The following BRF1 variants were observed in gnomAD, a reference collection of about 807,000 sequenced individuals.
BRF1 encodes the protein BRF1 general transcription factor IIIB subunit, also known as transcription factor IIIB 90 kDa subunit.
In BRF1, 59 loss-of-function variants were observed where a neutral mutation model predicts 81.7. That is an observed-to-expected ratio of 0.72 (90% CI 0.59 to 0.90). The LOEUF is 0.90. Among genes scored for constraint, BRF1 ranks in the 40% least tolerant of loss-of-function variants. The pLI is 0.00. For synonymous variants in BRF1, 491 were observed against 395.6 expected (o/e 1.24, Z -2.86); for missense variants, 1,050 against 936.3 (o/e 1.12, Z -1.58).
Position 105,284,423 on chromosome 14 carries a change from C to A in BRF1, c.265+1873G>T, listed in dbSNP as rs2057238158. On this transcript the variant is annotated intron_variant, in intron 2 of 17. Transcript: ENST00000547530. This position sits in a 1 kb window ranked among gnomAD's most constrained non-coding sequence, Gnocchi z 4.0. ...CCTAGGTGTGTCGGTGCTGGCCACC[C>A]GTCGGCAGCAGCAGCCAGGAGCAGA... 6.6e-6 allele frequency among the ~76,000 whole-genome samples: 1 copy of A among 152,142 alleles called. No individual in the cohort carries two copies. Among genetic ancestry groups the A allele is most frequent in the Non-Finnish European group, 1.5e-5 (1 of 68,030 alleles).
chr14:105,221,800 C>A lies in BRF1; in HGVS notation c.1163G>T (p.Gly388Val). 6.2e-7 allele frequency: 1 copy of A among 1,611,040 alleles called. No individual in the cohort carries two copies. Among genetic ancestry groups the A allele is most frequent in the Non-Finnish European group, 8.5e-7 (1 of 1,179,360 alleles). ...TGCTGCTTCCGAGCTGCCGGGGGCA[C>A]CACCAAGGAGCTCCCGGTATAAGTC... ...NKDLYRELLG[G>V]APGSSEAAGS... is the part of the protein sequence containing the mutation. Residue 388 changes from glycine to valine, a missense_variant, in exon 11 of 18, where the codon GGT becomes GTT. Physicochemically the swap from Gly to Val is moderately radical, Grantham distance 109 (BLOSUM62 -3). This residue lies in a region of BRF1 where 1,043 missense variants were observed against 915.4 expected (regional missense o/e 1.14). Coordinates refer to ENST00000547530, the MANE Select transcript of BRF1 (RefSeq NM_001519.4).
intron 1 of BRF1, among the ~76,000 whole-genome samples, chr14:105,313,394 C>A (rs2058406731): frequency 6.6e-6 from 1 of 152,240 alleles, no homozygotes; most frequent in African/African-American, 2.4e-5. Flanking sequence ...GCCCGCCGAG[C>A]AGCTGGCCAA....
chr14:105,210,435 C>T lies in BRF1; in HGVS notation c.*116G>A. On this transcript the variant is annotated 3_prime_UTR_variant, in exon 18 of 18. Coordinates refer to ENST00000547530, the MANE Select transcript of BRF1 (RefSeq NM_001519.4). The surrounding 1 kb of genome is among the most constrained non-coding windows in gnomAD (Gnocchi z 4.7). Reference sequence around the variant, plus strand: ...ACGAGGGCTGTGGGACAGGTGCCACCTGTCACCAGGAGTCTCGGCGCTGGG... The same window carrying T: ...ACGAGGGCTGTGGGACAGGTGCCACTTGTCACCAGGAGTCTCGGCGCTGGG... The T allele has an allele frequency of 5.2e-6, 6 of 1,163,618 alleles. No individual in the cohort carries two copies. The highest frequency in any genetic ancestry group is 7.4e-6 in the Non-Finnish European group (6 of 813,546). The allele number at this position is 1,163,618 out of a possible 1,614,324, so 72.1% of individuals were successfully genotyped here. A position where few individuals can be genotyped will look rare whatever the true frequency, so the allele number is the denominator to read the frequency against.
intron 11 of BRF1, 26 bp from the exon 12 acceptor site, chr14:105,220,156 C>G (rs781244338): frequency 1.2e-6 from 2 of 1,612,888 alleles, no homozygotes; most frequent in Non-Finnish European, 1.7e-6. Flanking sequence ...GCATCCGCGT[C>G]ACTCAGGGCC....
Position 105,226,679 on chromosome 14 carries a change from G to A in BRF1, c.870C>T (p.Asp290=), listed in dbSNP as rs760010212. The part of the protein sequence containing the change: ...FMKIDLEEEC[D]PPSYTAGQRK... The stretch of plus-strand genomic sequence containing the variant: ...TCTGCCCAGCTGTGTACGAGGGGGG[G>A]TCGCACTCCTCCTCCAGGTCGATCT... Residue 290 remains aspartate, a synonymous_variant, in exon 8 of 18, where the codon GAC becomes GAT. Coordinates refer to ENST00000547530, the MANE Select transcript of BRF1 (RefSeq NM_001519.4). The A allele has an allele frequency of 1.9e-6, 3 of 1,613,468 alleles. No homozygotes were observed. The highest frequency in any genetic ancestry group is 2.2e-5 in the South Asian group (2 of 91,090).
rs948999450 is a variant in BRF1 at position 105,309,274 on chromosome 14, A to G, written c.-162+6048T>C. The stretch of plus-strand genomic sequence containing the variant: ...CTTGGGGCTCAGGATAACCACAGTC[A>G]AGAGGGGAGAGTTTTATTCCTGAAT... On this transcript the variant is annotated intron_variant, in intron 1 of 17. Transcript: ENST00000327359. This position sits in a 1 kb window ranked among gnomAD's most constrained non-coding sequence, Gnocchi z 4.0. Among the ~76,000 whole-genome samples the G allele has an allele frequency of 1.3e-5, 2 of 152,224 alleles. No homozygotes were observed. The highest frequency in any genetic ancestry group is 4.8e-5 in the African/African-American group (2 of 41,454).
chr14:105,270,180 T>C (rs1239231674), intron 3 of BRF1, among the ~76,000 whole-genome samples: 1 of 151,436 alleles, frequency 6.6e-6, no homozygotes, highest in Non-Finnish European at 1.5e-5. Context: ...AGGACTTTTT[T>C]TTTTTTTTTT....
At chr14:105,251,788 C>G (rs1430118904) in intron 5 of BRF1, among the ~76,000 whole-genome samples, 1 of 151,976 alleles carries the variant, frequency 6.6e-6, no homozygotes, top group Non-Finnish European at 1.5e-5. Context: ...AAGGGTAGGT[C>G]AGAACCATCG....
intron 15 of BRF1, among the ~76,000 whole-genome samples, chr14:105,215,671 G>GCA (rs201556928): frequency 1.7e-5 from 2 of 115,482 alleles, no homozygotes; most frequent in African/African-American, 6.7e-5. Context: ...GCATACACAG[G>GCA]CACACACACA....
At chr14:105,285,051 G>T (rs952291940) in intron 2 of BRF1, among the ~76,000 whole-genome samples, 19 of 152,180 alleles carry the variant, frequency 1.2e-4, no homozygotes, top group Admixed American at 4.6e-4. Context: ...CCTGTATTCA[G>T]GTATCAGAAG....
At chr14:105,285,917 C>T (rs587694905) in intron 2 of BRF1, among the ~76,000 whole-genome samples, 1 of 152,342 alleles carries the variant, frequency 6.6e-6, no homozygotes, top group African/African-American at 2.4e-5. Context: ...AATCATAAGA[C>T]AAATAACCCA....
intron 2 of BRF1, among the ~76,000 whole-genome samples, chr14:105,281,897 T>C (rs1394192544): frequency 6.6e-6 from 1 of 152,094 alleles, no homozygotes; most frequent in Non-Finnish European, 1.5e-5. Flanking sequence ...GCACATTTCA[T>C]GCACTTTACT....
In BRF1 at chr14:105,310,803, C is replaced by A. The variant is rs587602226; in HGVS notation, c.-162+4519G>T. Among the ~76,000 whole-genome samples the A allele has an allele frequency of 2.6e-5, 4 of 152,310 alleles. No individual in the cohort carries two copies. In the South Asian group the frequency reaches 8.3e-4, roughly 32 times the overall value. On this transcript the variant is annotated intron_variant, in intron 1 of 17. Transcript: ENST00000327359. ...GATAAGCAAAAAGGAGAAACCAAAT[C>A]AATGGAATCCCCATCACACAGAGAT...
intron 7 of BRF1, chr14:105,227,972 T>C (rs2054115726): frequency 6.6e-6 from 1 of 152,226 alleles, no homozygotes; most frequent in African/African-American, 2.4e-5. Context: ...TCAAAGTCTA[T>C]GAAACAGGGC....
chr14:105,219,119 C>G, intron 13 of BRF1, 32 bp downstream of exon 13: 2 of 1,613,678 alleles, frequency 1.2e-6, no homozygotes, highest in Non-Finnish European at 1.7e-6. Context: ...GACTGTGCGT[C>G]CTGCGTGTGA....
At chr14:105,224,658 C>T (rs587718443) in intron 10 of BRF1, among the ~76,000 whole-genome samples, 8 of 152,296 alleles carry the variant, frequency 5.3e-5, no homozygotes, top group East Asian at 1.9e-4. Flanking sequence ...AGTGATCCTC[C>T]GGCCTCAGCC....
chr14:105,248,557 G>GCGGGTA lies in BRF1; in HGVS notation c.544+3944_544+3949dup, dbSNP rs1461651451. The GCGGGTA allele has an allele frequency of 4.9e-4, 455 of 920,610 alleles. 3 individuals are homozygous for GCGGGTA. The highest frequency in any genetic ancestry group is 1.1e-3 in the Middle Eastern group (2 of 1,808). 57.0% of individuals were successfully genotyped at this position (920,610 alleles called of 1,614,324 possible). ...CGCAGCGTGACGCACCGGCGCCGCG[G>GCGGGTA]CGGGTACGGGCTCGGGCGGGCGGGC... On this transcript the variant is annotated intron_variant, in intron 5 of 17. Coordinates refer to ENST00000547530, the MANE Select transcript of BRF1 (RefSeq NM_001519.4).
intron 15 of BRF1, among the ~76,000 whole-genome samples, chr14:105,216,650 T>C (rs889906963): frequency 1.3e-5 from 2 of 152,150 alleles, no homozygotes; most frequent in East Asian, 3.9e-4. Flanking sequence ...GTGGCCAGCC[T>C]AGCAGCTCAA....
intron 3 of BRF1, among the ~76,000 whole-genome samples, chr14:105,258,791 T>G (rs1049576461): frequency 6.6e-6 from 1 of 151,052 alleles, no homozygotes; most frequent in Non-Finnish European, 1.5e-5. Flanking sequence ...AGAGCGAGAC[T>G]CAGTCTCAAA....
Sources: allele counts gnomAD v4.1 joint callset (sites outside exome capture counted in the v4.1 genomes callset), GRCh38; gene constraint gnomAD v4.1.1; regional missense constraint gnomAD v4.1.1; non-coding constraint Gnocchi (gnomAD v3.1); transcripts MANE v1.5; gene names NCBI Gene and HGNC (gene_info 2026-07-23, HGNC 2026-07-21).